Variants in MEGF6 observed in about 807,000 individuals in gnomAD.
The protein encoded by MEGF6 is multiple epidermal growth factor-like domains protein 6.
MEGF6 carries 184 observed loss-of-function variants against 207.1 expected under a neutral mutation model. The observed-to-expected ratio is 0.89, with a 90% CI of 0.79 to 1.00. The LOEUF is 1.00. Ranked by LOEUF, MEGF6 falls within the 50% of genes least tolerant of loss-of-function variation. The pLI, the probability that MEGF6 is intolerant of heterozygous loss-of-function variation, is 0.00. For synonymous variants in MEGF6, 1,038 were observed against 910.0 expected, an observed-to-expected ratio of 1.14 and a Z score of -2.53; for missense variants, 2,282 against 2,202.9, an observed-to-expected ratio of 1.04 and a Z score of -0.72.
rs754969102 is a variant in MEGF6 at position 3,496,710 on chromosome 1, C to T, written c.3687G>A (p.Ala1229=). ...TGGGGCAGCGGCAGGCCCCCGTGGC[C>T]GCATCACAGGAGCCCCCGTTGAGAC... ...CGCLNGGSCD[A]ATGACRCPTG... Residue 1229 remains alanine (A), a synonymous_variant, in exon 29 of 37, where the codon GCG becomes GCA. Transcript: ENST00000356575. 1.6e-5 allele frequency: 25 copies of T among 1,559,044 alleles called. No individual in the cohort carries two copies. Among genetic ancestry groups the T allele is most frequent in the South Asian group, 8.3e-5 (7 of 84,848 alleles).
rs189220436 is a variant in MEGF6 at position 3,504,075 on chromosome 1, G to T, written c.2188+1133C>A. Among the ~76,000 whole-genome samples, 3 of 152,212 alleles carry T rather than the reference G, an allele frequency of 2.0e-5. No individual in the cohort carries two copies. The East Asian group carries it at 5.8e-4, about 30-fold the overall frequency. On this transcript the variant is annotated intron_variant, in intron 17 of 36. Transcript: ENST00000356575. ...GGAGGGGAAGGGCCCATGCTGGGGG[G>T]GCTTGAGTCCAGAGAGCCCCCTGGT...
At chr1:3,540,871 C>T (rs1036051542) in intron 4 of MEGF6, among the ~76,000 whole-genome samples, 3 of 152,236 alleles carry the variant, frequency 2.0e-5, no homozygotes, top group Admixed American at 2.0e-4. Flanking sequence ...AGGAATTTTG[C>T]AGGGACACCG....
At position 3,493,616 on chromosome 1, in the gene MEGF6, C is replaced by T. The variant is rs562697774; in HGVS notation, c.4387+155G>A. The T allele has an allele frequency of 5.6e-5, 60 of 1,064,956 alleles. 1 individual carries two copies. The South Asian group carries it at 5.9e-4, about 10-fold the overall frequency. 66.0% of individuals were successfully genotyped at this position (1,064,956 alleles called of 1,614,324 possible). A position where few individuals can be genotyped will look rare whatever the true frequency, so the allele number is the denominator to read the frequency against. Reference sequence around the variant, plus strand: ...TGGTACCGCATGTCCCAGCAGCTGACTCCAGCCCCCCCAGGGGGCACAGTC... The same window carrying T: ...TGGTACCGCATGTCCCAGCAGCTGATTCCAGCCCCCCCAGGGGGCACAGTC... On this transcript the variant is annotated intron_variant, in intron 34 of 36. Transcript: ENST00000356575.
At chr1:3,533,963 C>T (rs906332170) in intron 4 of MEGF6, among the ~76,000 whole-genome samples, 2 of 152,186 alleles carry the variant, frequency 1.3e-5, no homozygotes, top group African/African-American at 4.8e-5. Flanking sequence ...CAGGAGGCAC[C>T]AGCCGCACCC....
Position 3,498,766 on chromosome 1 carries a change from C to A in MEGF6, c.3155G>T (p.Gly1052Val), listed in dbSNP as rs766603927. 3 of 1,558,616 alleles carry A rather than the reference C, an allele frequency of 1.9e-6. No individual in the cohort carries two copies. In the Admixed American group the frequency reaches 5.7e-5, roughly 30 times the overall value. Residue 1052 changes from glycine (G) to valine (V), a missense_variant, in exon 25 of 37, where the codon GGG (glycine) becomes GTG (valine). By Grantham distance (109) the Gly-to-Val change is moderately radical (BLOSUM62 -3). Coordinates refer to ENST00000356575, the MANE Select transcript of MEGF6 (RefSeq NM_001409.4). ...CRHSCLCQNGGTCDPVSGHCA... is the reference protein window; with the variant it reads ...CRHSCLCQNGVTCDPVSGHCA... ...GTGGCCTGAGACAGGGTCACAGGTC[C>A]CTCCGTTCTGGCAGAGGCAGGAATG...
At chr1:3,509,755 G>T in intron 11 of MEGF6, 115 bp downstream of exon 11, 1 of 1,370,224 alleles carries the variant, frequency 7.3e-7, no homozygotes, top group Non-Finnish European at 9.7e-7. Context: ...AGGCCAGGGG[G>T]CAAAGGACCC....
In MEGF6 at chr1:3,573,561, A is replaced by G. The variant is rs995548423; in HGVS notation, c.481+6264T>C. 2.6e-5 allele frequency among the ~76,000 whole-genome samples: 4 copies of G among 152,192 alleles called. No individual in the cohort carries two copies. Among genetic ancestry groups the G allele is most frequent in the Non-Finnish European group, 5.9e-5 (4 of 68,020 alleles). ...TGCTGCAGGCTGCAGGCCTCTGGACAAGGTCCCATGGCAGGGAGCAGGACC... is the reference window on the plus strand; with the variant it reads ...TGCTGCAGGCTGCAGGCCTCTGGACGAGGTCCCATGGCAGGGAGCAGGACC... On this transcript the variant is annotated intron_variant, in intron 4 of 36. Coordinates refer to ENST00000356575, the MANE Select transcript of MEGF6 (RefSeq NM_001409.4). This position sits in a 1 kb window ranked among gnomAD's most constrained non-coding sequence, Gnocchi z 5.1.
rs1475820420 is a variant in MEGF6 at position 3,489,307 on chromosome 1, T to C, written c.*1221A>G. ...GTCTGCCCTGGGGCCTCAGCTACCTTGGCTGGTTTTAGGGTGATGGGGGCG... is the reference window on the plus strand; with the variant it reads ...GTCTGCCCTGGGGCCTCAGCTACCTCGGCTGGTTTTAGGGTGATGGGGGCG... On this transcript the variant is annotated 3_prime_UTR_variant, in exon 37 of 37. Coordinates refer to ENST00000356575, the MANE Select transcript of MEGF6 (RefSeq NM_001409.4). Among the ~76,000 whole-genome samples, 1 of 152,218 alleles carries C rather than the reference T, an allele frequency of 6.6e-6. No individual in the cohort carries two copies. Among genetic ancestry groups the C allele is most frequent in the East Asian group, 1.9e-4 (1 of 5,198 alleles).
At chr1:3,620,845 G>C in the MEGF6 span, among the ~76,000 whole-genome samples, 2 of 152,250 alleles carry the variant, frequency 1.3e-5, no homozygotes, top group Non-Finnish European at 2.9e-5. Flanking sequence ...ACAAGACAAG[G>C]GGGCAGGGTA....
chr1:3,517,556 G>A (rs1016472944), intron 5 of MEGF6, among the ~76,000 whole-genome samples: 1 of 152,226 alleles, frequency 6.6e-6, no homozygotes, highest in African/African-American at 2.4e-5. Context: ...GCCAGCGCTG[G>A]GATATGCAGC....
rs373558942 is a variant in MEGF6, at chr1:3,602,526, G to A, written c.206C>T (p.Thr69Met). Residue 69 changes from threonine to methionine, a missense_variant, in exon 2 of 37, where the codon ACG becomes ATG. Transcript: ENST00000356575. ...ACAGCCGGCCTTCCACACCGGCACC[G>A]TGTGGCTTAAGGCCTGCACGCACGG... ...RQPCVQALSHTVPVWKAGCGW... is the reference protein window; with the variant it reads ...RQPCVQALSHMVPVWKAGCGW... 64 of 1,613,292 alleles carry A rather than the reference G, an allele frequency of 4.0e-5. No homozygotes were observed. Among genetic ancestry groups the A allele is most frequent in the Middle Eastern group, 3.3e-4 (2 of 6,062 alleles).
Position 3,580,012 on chromosome 1 carries a change from G to A in MEGF6, c.377-83C>T, listed in dbSNP as rs928411578. 4.2e-5 allele frequency: 42 copies of A among 1,010,146 alleles called. No homozygotes were observed. In the African/African-American group the frequency reaches 6.4e-4, roughly 15 times the overall value. The allele number at this position is 1,010,146 out of a possible 1,614,324, so 62.6% of individuals were successfully genotyped here. ...GTGAGGCCTGAGGGTCTCTCGGGCA[G>A]GCAGCCCACCCAGCCTGCCAGGTCC... is the stretch of plus-strand genomic sequence containing the variant. On this transcript the variant is annotated intron_variant, in intron 3 of 36. Coordinates refer to ENST00000356575, the MANE Select transcript of MEGF6 (RefSeq NM_001409.4).
chr1:3,564,160 GGTCAGGGTGGGGGAGCTGA>G (rs1438127826), intron 4 of MEGF6, among the ~76,000 whole-genome samples: 2 of 150,820 alleles, frequency 1.3e-5, no homozygotes, highest in African/African-American at 4.9e-5. Context: ...CGAGGAACTG[GGTCAGGGTGGGGGAGCTGA>G]GTCGGGGTGG....
At chr1:3,553,233 A>T (rs1642937272) in intron 4 of MEGF6, among the ~76,000 whole-genome samples, 1 of 144,380 alleles carries the variant, frequency 6.9e-6, no homozygotes, top group Non-Finnish European at 1.5e-5. Context: ...TCCACGGCCG[A>T]TCGGCTTTCC....
intron 2 of MEGF6, among the ~76,000 whole-genome samples, chr1:3,600,983 C>T (rs1027580621): frequency 1.3e-5 from 2 of 152,276 alleles, no homozygotes; most frequent in East Asian, 1.9e-4. Flanking sequence ...TGAAGAGGCC[C>T]GGACACCCTG....
chr1:3,493,064 A>G, intron 34 of MEGF6: 1 of 449,302 alleles, frequency 2.2e-6, no homozygotes. Flanking sequence ...GGCAAACAGG[A>G]GCCAGTGTTC....
intron 4 of MEGF6, among the ~76,000 whole-genome samples, chr1:3,574,042 C>T (rs1347090827): frequency 3.9e-5 from 6 of 152,092 alleles, no homozygotes; most frequent in African/African-American, 7.2e-5. Context: ...AGCCCACACC[C>T]GAGAGGCCCA....
chr1:3,578,538 G>C (rs570352316), intron 4 of MEGF6, among the ~76,000 whole-genome samples: 6 of 81,742 alleles, frequency 7.3e-5, no homozygotes, highest in Middle Eastern at 6.3e-3. Context: ...AGGGGCCCTG[G>C]GGGGGGGGGG....
intron 2 of MEGF6, among the ~76,000 whole-genome samples, chr1:3,597,592 G>A (rs545203288): frequency 6.6e-6 from 1 of 152,326 alleles, no homozygotes; most frequent in South Asian, 2.1e-4. Context: ...TCCAGTGACG[G>A]GCGCCCTTAT....
Sources: gnomAD v4.1 joint callset for allele counts (sites outside exome capture counted in the v4.1 genomes callset) on GRCh38, gnomAD v4.1.1 for gene constraint, Gnocchi (gnomAD v3.1) non-coding constraint, MANE v1.5 for transcripts, NCBI Gene and HGNC (gene_info 2026-07-23, HGNC 2026-07-21) for gene names.